The following HK1 variants were observed in gnomAD, a reference collection of about 807,000 sequenced individuals.
HK1 encodes hexokinase 1.
Under a neutral mutation model 91.6 loss-of-function variants are expected in HK1, and 28 were observed. That is an observed-to-expected ratio of 0.31 (90% CI 0.23 to 0.42). The LOEUF (loss-of-function observed/expected upper bound fraction) is 0.42. HK1 is among the 10% of genes least tolerant of loss of function. The pLI is 1.00. For missense variants in HK1, 770 were observed against 1,219.8 expected (o/e 0.63, Z 5.49); for synonymous variants, 430 against 468.1 (o/e 0.92, Z 1.05).
chr10:69,312,444 G>A (rs564600455), upstream of HK1, among the ~76,000 whole-genome samples: 1 of 152,186 alleles, frequency 6.6e-6, no homozygotes, highest in Non-Finnish European at 1.5e-5. Flanking sequence ...TCACCATGTT[G>A]GCCAGCCTGG....
At position 69,333,726 on chromosome 10, in the gene HK1, A is replaced by G. The variant is rs546378820; in HGVS notation, c.64-10101A>G. 1.2e-4 allele frequency among the ~76,000 whole-genome samples: 18 copies of G among 152,228 alleles called. 1 individual carries two copies. The highest frequency in any genetic ancestry group is 6.8e-3 in the Middle Eastern group (2 of 294). Reference sequence around the variant, plus strand: ...ATGTGGGGTTCATAACAGCTACCTTACACATTGTGCAGATTTGGATGGAGG... The same window carrying G: ...ATGTGGGGTTCATAACAGCTACCTTGCACATTGTGCAGATTTGGATGGAGG... On this transcript the variant is annotated intron_variant, in intron 1 of 17. Transcript: ENST00000359426.
chr10:69,298,773 A>G (rs1426639817), intron 4 of HK1, among the ~76,000 whole-genome samples: 1 of 151,944 alleles, frequency 6.6e-6, no homozygotes, highest in Non-Finnish European at 1.5e-5. Flanking sequence ...ATTAGATATA[A>G]TGCCAAGTCA....
At chr10:69,294,556 T>A (rs1845457260) in intron 3 of HK1, among the ~76,000 whole-genome samples, 1 of 151,914 alleles carries the variant, frequency 6.6e-6, no homozygotes, top group South Asian at 2.1e-4. Flanking sequence ...ACTCCATCTG[T>A]ACAAAAACTA....
rs1212304665 is a variant in HK1, at chr10:69,348,202, T to TA, written c.226+4224dup. Among the ~76,000 whole-genome samples, 18 of 149,496 alleles carry TA rather than the reference T, an allele frequency of 1.2e-4. No homozygotes were observed. In the South Asian group the frequency reaches 1.5e-3, roughly 12 times the overall value. On this transcript the variant is annotated intron_variant, in intron 2 of 17. Transcript: ENST00000359426. ...GAGAAGTTTTTACCCAAAGGAGAAG[T>TA]AAAAAAAAAAATTTTCTAGAAGCTT...
At chr10:69,338,779 G>A (rs1327258828) in intron 1 of HK1, 1 of 1,052,010 alleles carries the variant, frequency 9.5e-7, no homozygotes, top group African/African-American at 1.6e-5. Flanking sequence ...ATGTGAGAGT[G>A]TGTGTGTGTA....
At chr10:69,292,989 C>T (rs1458112195) in intron 3 of HK1, among the ~76,000 whole-genome samples, 4 of 152,174 alleles carry the variant, frequency 2.6e-5, no homozygotes, top group Admixed American at 1.3e-4. Context: ...TGGGGTGAGG[C>T]TCTAATCCAT....
chr10:69,303,409 G>A (rs905210527), intron 5 of HK1, among the ~76,000 whole-genome samples: 7 of 148,860 alleles, frequency 4.7e-5, no homozygotes, highest in South Asian at 4.3e-4. Flanking sequence ...GTAGAGAATT[G>A]CAATAGAGAA....
Position 69,384,735 on chromosome 10 carries a change from A to G in HK1, c.1720-61A>G, listed in dbSNP as rs558553060. The G allele has an allele frequency of 4.2e-5, 68 of 1,611,078 alleles. No individual in the cohort carries two copies. In the African/African-American group the frequency reaches 7.9e-4, roughly 19 times the overall value. On this transcript the variant is annotated intron_variant, in intron 11 of 17. Coordinates refer to ENST00000359426, the MANE Select transcript of HK1 (RefSeq NM_000188.3). ...TGTGTGTGTATACACACTTTGGTCC[A>G]TGTGCACTGATAAAATTAAAACCAC... is the stretch of plus-strand genomic sequence containing the variant.
chr10:69,296,764 G>A (rs1845583062), intron 4 of HK1, among the ~76,000 whole-genome samples: 1 of 152,208 alleles, frequency 6.6e-6, no homozygotes, highest in Admixed American at 6.5e-5. Context: ...TGAGGAGGTT[G>A]GATGGGACTG....
intron 3 of HK1, chr10:69,295,497 G>A (rs890477604): frequency 2.9e-6 from 2 of 700,908 alleles, no homozygotes; most frequent in African/African-American, 1.8e-5. Context: ...GATAGAATTT[G>A]CTTAGACATT....
rs371762883 is a variant in HK1, at chr10:69,321,729, A to G, written c.63+2719A>G. Among the ~76,000 whole-genome samples, 78 of 152,360 alleles carry G rather than the reference A, an allele frequency of 5.1e-4. 1 individual carries two copies. The South Asian group carries it at 0.015, about 30-fold the overall frequency. On this transcript the variant is annotated intron_variant, in intron 1 of 17. Transcript: ENST00000359426. ...TCTTCATTGCCTATGAGGCACATCA[A>G]TAATTCAACTCCATAAAAATATATC...
chr10:69,310,725 T>G (rs1163557282), intron 5 of HK1, among the ~76,000 whole-genome samples: 1 of 152,192 alleles, frequency 6.6e-6, no homozygotes, highest in African/African-American at 2.4e-5. Context: ...TTTATTCATT[T>G]CAGGAAGACA....
upstream of HK1, chr10:69,318,846 G>C: frequency 6.7e-7 from 1 of 1,486,448 alleles, no homozygotes; most frequent in Non-Finnish European, 8.9e-7. Flanking sequence ...GGGAGGAGGA[G>C]GAGGAGGAGC....
chr10:69,349,527 G>T (rs535119298), intron 2 of HK1, among the ~76,000 whole-genome samples: 1 of 152,340 alleles, frequency 6.6e-6, no homozygotes, highest in Admixed American at 6.5e-5. Flanking sequence ...CCGAGCCCCT[G>T]CAGGAAGGAT....
At chr10:69,322,871 C>T (rs368461293) in intron 1 of HK1, among the ~76,000 whole-genome samples, 6 of 143,560 alleles carry the variant, frequency 4.2e-5, no homozygotes, top group Admixed American at 7.1e-5. Flanking sequence ...GCCTAGGCAA[C>T]GAGAGCGAAA....
At chr10:69,278,160 G>A (rs1398919192) in intron 1 of HK1, among the ~76,000 whole-genome samples, 2 of 152,228 alleles carry the variant, frequency 1.3e-5, no homozygotes, top group African/African-American at 2.4e-5. Flanking sequence ...CATTTCCTAG[G>A]GAAACTGACA....
In HK1 at chr10:69,318,921, T is replaced by C; in HGVS notation, c.-27T>C. 6.4e-7 allele frequency: 1 copy of C among 1,570,372 alleles called. No homozygotes were observed. ...GCGGAGGACCGACCGTCCCCACGCC[T>C]GCCGCCCCGCGACCCCGACCGCCAG... is the stretch of plus-strand genomic sequence containing the variant. On this transcript the variant is annotated 5_prime_UTR_variant, in exon 1 of 18. Coordinates refer to ENST00000359426, the MANE Select transcript of HK1 (RefSeq NM_000188.3).
At chr10:69,287,038 T>C (rs1391172130) in intron 2 of HK1, among the ~76,000 whole-genome samples, 2 of 152,068 alleles carry the variant, frequency 1.3e-5, no homozygotes, top group African/African-American at 4.8e-5. Context: ...TTCGCACTGC[T>C]ATAAAGAAAT....
chr10:69,309,330 C>T (rs751169919), intron 5 of HK1, among the ~76,000 whole-genome samples: 2 of 150,354 alleles, frequency 1.3e-5, no homozygotes, highest in Non-Finnish European at 3.0e-5. Context: ...TACAGGCACC[C>T]GCCACCACGC....
Sources: allele counts gnomAD v4.1 joint callset (sites outside exome capture counted in the v4.1 genomes callset), GRCh38; gene constraint gnomAD v4.1.1; transcripts MANE v1.5; gene names NCBI Gene and HGNC (gene_info 2026-07-23, HGNC 2026-07-21).